Variants in SELENOF observed in about 807,000 individuals in gnomAD.
SELENOF encodes 15 kDa selenoprotein.
SELENOF carries 16 observed loss-of-function variants against 20.5 expected under a neutral mutation model. The observed-to-expected ratio is 0.78, with a 90% CI of 0.53 to 1.19. The LOEUF is 1.19. Ranked by LOEUF, SELENOF falls within the 50% of genes most tolerant of loss-of-function variation. The probability of loss-of-function intolerance (pLI) is 0.00; values close to 1 mark genes in which losing one functional copy is unlikely to be tolerated. For synonymous variants in SELENOF, 78 were observed against 74.5 expected, an observed-to-expected ratio of 1.05 and a Z score of -0.24; for missense variants, 215 against 194.2, an observed-to-expected ratio of 1.11 and a Z score of -0.64.
chr1:86,903,532 A>T, intron 1 of SELENOF, 84 bp from the exon 2 acceptor site: 1 of 945,572 alleles, frequency 1.1e-6, no homozygotes, highest in South Asian at 2.2e-5. Flanking sequence ...GGTTGTCAAA[A>T]ACTAACACAT....
intron 2 of SELENOF, among the ~76,000 whole-genome samples, chr1:86,884,484 T>G (rs888955103): frequency 6.6e-6 from 1 of 152,144 alleles, no homozygotes; most frequent in African/African-American, 2.4e-5. Context: ...AACTACAGAT[T>G]GTAGTAAATT....
rs535986335 is a variant in SELENOF, at chr1:86,872,181, T to C, written c.317-4079A>G. Among the ~76,000 whole-genome samples the C allele has an allele frequency of 2.6e-5, 4 of 152,280 alleles. No homozygotes were observed. In the East Asian group the frequency reaches 7.7e-4, roughly 29 times the overall value. ...AGTATTAACCACATAAACGCAAATA[T>C]TTATTCCGTATTTTCCTGATTTTGA... is the stretch of plus-strand genomic sequence containing the variant. On this transcript the variant is annotated intron_variant, in intron 3 of 4. Transcript: ENST00000331835.
intron 4 of SELENOF, 101 bp downstream of exon 4, chr1:86,867,952 C>T (rs572606890): frequency 8.9e-4 from 431 of 483,224 alleles, no homozygotes; most frequent in Non-Finnish European, 1.4e-3. Flanking sequence ...ATAATATTTG[C>T]ACATGTTTAT....
At chr1:86,877,048 T>C (rs1360847469) in intron 3 of SELENOF, among the ~76,000 whole-genome samples, 1 of 152,216 alleles carries the variant, frequency 6.6e-6, no homozygotes, top group Non-Finnish European at 1.5e-5. Context: ...TAATTGAAAC[T>C]TATTATTAAC....
chr1:86,913,534 A>G (rs1201639668), intron 1 of SELENOF, among the ~76,000 whole-genome samples: 1 of 152,242 alleles, frequency 6.6e-6, no homozygotes, highest in Non-Finnish European at 1.5e-5. Flanking sequence ...CCAGCCGTAT[A>G]TGAATAGCAG....
chr1:86,914,475 C>A (rs941857342), upstream of SELENOF: 5 of 322,234 alleles, frequency 1.6e-5, no homozygotes, highest in Non-Finnish European at 1.8e-5. Context: ...GCAGAGGAAA[C>A]CAACCGTAAA....
chr1:86,887,149 T>C (rs193001828), intron 2 of SELENOF: 118 of 1,535,740 alleles, frequency 7.7e-5, no homozygotes, highest in Admixed American at 2.3e-4. Context: ...GACACTTTCA[T>C]ACTCACTTTG....
At chr1:86,889,513 G>A (rs760862614) in intron 2 of SELENOF, among the ~76,000 whole-genome samples, 1 of 152,138 alleles carries the variant, frequency 6.6e-6, no homozygotes, top group Non-Finnish European at 1.5e-5. Flanking sequence ...AGAATCACTT[G>A]AACCTAGGAG....
intron 2 of SELENOF, among the ~76,000 whole-genome samples, chr1:86,897,228 G>A (rs1031545945): frequency 2.6e-5 from 4 of 152,020 alleles, no homozygotes; most frequent in African/African-American, 4.8e-5. Context: ...TGGAGGTTGC[G>A]GTGAGCCGAG....
chr1:86,879,919 A>C (rs1370007596), intron 3 of SELENOF, among the ~76,000 whole-genome samples: 1 of 152,158 alleles, frequency 6.6e-6, no homozygotes, highest in African/African-American at 2.4e-5. Flanking sequence ...TTTGGCAATT[A>C]CTTCTTTCCT....
chr1:86,872,766 G>A (rs1658810626), intron 3 of SELENOF, among the ~76,000 whole-genome samples: 1 of 152,054 alleles, frequency 6.6e-6, no homozygotes, highest in Non-Finnish European at 1.5e-5. Flanking sequence ...GCACGGGCCC[G>A]GCGTGGTAGC....
At chr1:86,913,902 C>T (rs1660059681) in intron 1 of SELENOF, 126 bp downstream of exon 1, 1 of 855,580 alleles carries the variant, frequency 1.2e-6, no homozygotes. Flanking sequence ...TGCATTCTGG[C>T]CGCAGCAGTC....
At chr1:86,892,000 G>A (rs192666853) in intron 2 of SELENOF, among the ~76,000 whole-genome samples, 73 of 151,532 alleles carry the variant, frequency 4.8e-4, no homozygotes, top group African/African-American at 1.8e-3. Context: ...GCGTGATCTC[G>A]GTTCAATGCA....
At chr1:86,874,992 G>A (rs1658886009) in intron 3 of SELENOF, among the ~76,000 whole-genome samples, 1 of 152,186 alleles carries the variant, frequency 6.6e-6, no homozygotes, top group Admixed American at 6.5e-5. Context: ...CCAGCACTCT[G>A]GGAGGCCAAG....
chr1:86,882,100 C>T (rs546819422), intron 2 of SELENOF, among the ~76,000 whole-genome samples: 3 of 151,606 alleles, frequency 2.0e-5, no homozygotes, highest in Non-Finnish European at 2.9e-5. Context: ...GGCGTGGTGG[C>T]GCATGCCTGT....
intron 3 of SELENOF, among the ~76,000 whole-genome samples, 170 bp downstream of exon 3, chr1:86,880,492 C>T (rs567432551): frequency 9.9e-5 from 15 of 151,320 alleles, no homozygotes; most frequent in African/African-American, 3.2e-4. Flanking sequence ...TAGCATTCAC[C>T]AATTACTTTA....
intron 2 of SELENOF, among the ~76,000 whole-genome samples, chr1:86,891,144 G>T (rs1259859575): frequency 3.3e-5 from 5 of 151,524 alleles, no homozygotes; most frequent in Admixed American, 3.3e-4. Flanking sequence ...CTACCCCCTG[G>T]GTTCAAGCGA....
intron 3 of SELENOF, among the ~76,000 whole-genome samples, chr1:86,870,795 A>T (rs1658742715): frequency 6.6e-6 from 1 of 151,744 alleles, no homozygotes; most frequent in African/African-American, 2.4e-5. Context: ...ATTTTTTTTT[A>T]TTTTTAGTAG....
chr1:86,878,488 T>C (rs952876749), intron 3 of SELENOF, among the ~76,000 whole-genome samples: 2 of 152,204 alleles, frequency 1.3e-5, no homozygotes, highest in African/African-American at 4.8e-5. Context: ...GAGACCAGCC[T>C]GGCCAACATG....
Sources: gnomAD v4.1 joint callset for allele counts (sites outside exome capture counted in the v4.1 genomes callset) on GRCh38, gnomAD v4.1.1 for gene constraint, MANE v1.5 for transcripts, NCBI Gene and HGNC (gene_info 2026-07-23, HGNC 2026-07-21) for gene names.